PDE3A: variants seen among roughly 807,000 people sequenced by gnomAD.
PDE3A encodes cGMP-inhibited 3',5'-cyclic phosphodiesterase 3A.
PDE3A carries 43 observed loss-of-function variants against 98.3 expected under a neutral mutation model. That is an observed-to-expected ratio of 0.44 (90% CI 0.34 to 0.56). PDE3A has a LOEUF of 0.56. Ranked by LOEUF, PDE3A falls within the 20% of genes least tolerant of loss-of-function variation. The probability of loss-of-function intolerance (pLI) is 0.01; values close to 1 mark genes in which losing one functional copy is unlikely to be tolerated. For missense variants in PDE3A, 1,427 were observed against 1,440.7 expected, an observed-to-expected ratio of 0.99 and a Z score of 0.15; for synonymous variants, 663 against 567.9, an observed-to-expected ratio of 1.17 and a Z score of -2.38.
chr12:20,406,900 A>G (rs551937468), intron 1 of PDE3A, among the ~76,000 whole-genome samples: 1 of 152,174 alleles, frequency 6.6e-6, no homozygotes, highest in East Asian at 1.9e-4. Context: ...AGTCAATATT[A>G]TTTTTGTGTG....
intron 2 of PDE3A, among the ~76,000 whole-genome samples, chr12:20,585,954 G>A (rs996431375): frequency 2.0e-5 from 3 of 152,120 alleles, no homozygotes; most frequent in African/African-American, 7.2e-5. Flanking sequence ...TGGAGTTCAC[G>A]GTTTTATGGG....
intron 1 of PDE3A, among the ~76,000 whole-genome samples, chr12:20,549,936 C>T (rs1187950843): frequency 6.6e-6 from 1 of 152,068 alleles, no homozygotes; most frequent in Non-Finnish European, 1.5e-5. Context: ...TGCAAATTAC[C>T]AAATTGATCT....
rs144045310 is a variant in PDE3A, at chr12:20,508,255, A to G, written c.961-48405A>G. 4.1e-3 allele frequency among the ~76,000 whole-genome samples: 623 copies of G among 151,834 alleles called. 1 individual carries two copies. Among genetic ancestry groups the G allele is most frequent in the African/African-American group, 0.014 (590 of 41,430 alleles). On this transcript the variant is annotated intron_variant, in intron 1 of 15. Coordinates refer to ENST00000359062, the MANE Select transcript of PDE3A (RefSeq NM_000921.5). ...ATTAAATGCAACTTCTATGTACCTG[A>G]TCCCTCCCGCAGGACTCCCATTTCA...
At position 20,411,876 on chromosome 12, in the gene PDE3A, G is replaced by A. The variant is rs930223792; in HGVS notation, c.960+41632G>A. On this transcript the variant is annotated intron_variant, in intron 1 of 15. Coordinates refer to ENST00000359062, the MANE Select transcript of PDE3A (RefSeq NM_000921.5). ...TAGGTAGACCCTTTAAAAAATTACC[G>A]TGTGCTTAAATTTATATTCCACCAT... Among the ~76,000 whole-genome samples, 39 of 151,966 alleles carry A rather than the reference G, an allele frequency of 2.6e-4. 1 individual carries two copies. Among genetic ancestry groups the A allele is most frequent in the South Asian group, 2.1e-4 (1 of 4,822 alleles).
At chr12:20,402,631 C>G (rs1429443413) in intron 1 of PDE3A, among the ~76,000 whole-genome samples, 4 of 152,038 alleles carry the variant, frequency 2.6e-5, no homozygotes, top group African/African-American at 9.7e-5. Context: ...TAGAAGACAA[C>G]TATGAATATA....
At chr12:20,479,174 T>C (rs929154357) in intron 1 of PDE3A, among the ~76,000 whole-genome samples, 13 of 152,348 alleles carry the variant, frequency 8.5e-5, no homozygotes, top group African/African-American at 3.1e-4. Flanking sequence ...TATTCATCCT[T>C]GTTGAAAAGG....
chr12:20,523,555 A>G (rs146889799), intron 1 of PDE3A, among the ~76,000 whole-genome samples: 28 of 152,270 alleles, frequency 1.8e-4, no homozygotes, highest in African/African-American at 5.8e-4. Flanking sequence ...TCATTTTGAC[A>G]GTTGTCTTAT....
At chr12:20,653,887 A>T in intron 14 of PDE3A, 60 bp from the exon 15 acceptor site, 2 of 1,568,074 alleles carry the variant, frequency 1.3e-6, no homozygotes, top group South Asian at 1.2e-5. Context: ...CTGGGGTTTT[A>T]CATATTTACA....
intron 1 of PDE3A, among the ~76,000 whole-genome samples, chr12:20,511,927 A>G (rs1233765977): frequency 6.6e-6 from 1 of 152,102 alleles, no homozygotes; most frequent in African/African-American, 2.4e-5. Flanking sequence ...TGTCTCCTCA[A>G]AAATCCATAA....
At chr12:20,398,746 A>G (rs751745518) in intron 1 of PDE3A, among the ~76,000 whole-genome samples, 3 of 152,174 alleles carry the variant, frequency 2.0e-5, no homozygotes, top group Non-Finnish European at 4.4e-5. Context: ...TTACTCATTC[A>G]TTCCTAGAAT....
intron 1 of PDE3A, among the ~76,000 whole-genome samples, chr12:20,382,984 G>A (rs1943688720): frequency 6.6e-6 from 1 of 151,938 alleles, no homozygotes; most frequent in Non-Finnish European, 1.5e-5. Flanking sequence ...GAGTTAAATT[G>A]TAAGCAAAGC....
At chr12:20,665,379 C>T (rs926529647) in intron 15 of PDE3A, among the ~76,000 whole-genome samples, 2 of 152,060 alleles carry the variant, frequency 1.3e-5, no homozygotes, top group South Asian at 2.1e-4. Flanking sequence ...TATTTTTCCT[C>T]AATTAAAGGA....
chr12:20,470,983 T>C (rs1945429109), intron 1 of PDE3A, among the ~76,000 whole-genome samples: 1 of 152,122 alleles, frequency 6.6e-6, no homozygotes, highest in Admixed American at 6.5e-5. Context: ...GGTGTCTGTC[T>C]GTAATCCAAG....
intron 1 of PDE3A, among the ~76,000 whole-genome samples, chr12:20,515,785 T>G (rs1230410643): frequency 2.7e-5 from 4 of 150,868 alleles, no homozygotes; most frequent in African/African-American, 7.3e-5. Context: ...CAGGCTGGAG[T>G]GCAGTGGCGG....
chr12:20,635,803 A>G (rs1944499038), intron 8 of PDE3A, among the ~76,000 whole-genome samples: 1 of 151,534 alleles, frequency 6.6e-6, no homozygotes, highest in Non-Finnish European at 1.5e-5. Flanking sequence ...AGATTTACAG[A>G]TGTATTTCAT....
At chr12:20,417,374 C>A (rs1944437894) in intron 1 of PDE3A, among the ~76,000 whole-genome samples, 1 of 151,914 alleles carries the variant, frequency 6.6e-6, no homozygotes, top group African/African-American at 2.4e-5. Flanking sequence ...TTAGCAAGTC[C>A]CCAATTATAT....
At chr12:20,625,281 T>C (rs919580980) in intron 5 of PDE3A, among the ~76,000 whole-genome samples, 3 of 152,198 alleles carry the variant, frequency 2.0e-5, no homozygotes, top group African/African-American at 7.2e-5. Context: ...GCTCTTCTAG[T>C]ATGAGTCACT....
chr12:20,473,121 G>GA (rs1945469308), intron 1 of PDE3A, among the ~76,000 whole-genome samples: 1 of 152,024 alleles, frequency 6.6e-6, no homozygotes, highest in Non-Finnish European at 1.5e-5. Flanking sequence ...TTGTGTCATT[G>GA]AATGTTTTAG....
intron 2 of PDE3A, among the ~76,000 whole-genome samples, chr12:20,588,844 C>T (rs1330965588): frequency 1.3e-5 from 2 of 152,176 alleles, no homozygotes; most frequent in Non-Finnish European, 2.9e-5. Flanking sequence ...CAACCCTTCC[C>T]ACTGCCAGAA....
Sources: gnomAD v4.1 joint callset for allele counts (sites outside exome capture counted in the v4.1 genomes callset) on GRCh38, gnomAD v4.1.1 for gene constraint, MANE v1.5 for transcripts, NCBI Gene and HGNC (gene_info 2026-07-23, HGNC 2026-07-21) for gene names.